Variants in HK1 observed in about 807,000 individuals in gnomAD.
HK1 encodes hexokinase 1.
Under a neutral mutation model 91.6 loss-of-function variants are expected in HK1, and 28 were observed. The observed-to-expected ratio is 0.31, with a 90% CI of 0.23 to 0.42. HK1 has a LOEUF of 0.42. HK1 is among the 10% of genes least tolerant of loss of function. HK1 has a pLI of 1.00. For missense variants in HK1, 770 were observed against 1,219.8 expected (o/e 0.63, Z 5.49); for synonymous variants, 430 against 468.1 (o/e 0.92, Z 1.05).
chr10:69,331,694 G>A (rs1847725045), intron 1 of HK1, among the ~76,000 whole-genome samples: 1 of 151,762 alleles, frequency 6.6e-6, no homozygotes, highest in Non-Finnish European at 1.5e-5. Flanking sequence ...GGGCAATATA[G>A]CGAGACCTCA....
rs1564746767 is a variant in HK1 at position 69,276,114 on chromosome 10, A to ATATAT, written c.-391+6006_-391+6007insTATAT. Among the ~76,000 whole-genome samples the ATATAT allele has an allele frequency of 1.5e-4, 6 of 40,582 alleles. No homozygotes were observed. The South Asian group carries it at 5.5e-3, about 37-fold the overall frequency. The allele number at this position is 40,582 out of a possible 152,430, so 26.6% of individuals were successfully genotyped here. On this transcript the variant is annotated intron_variant, in intron 1 of 21. Transcript: ENST00000360289. Reference sequence around the variant, plus strand: ...TCAAAAAAAAAAAAAAAAAAAAAAAAAAAAATACATATATATATATATATA... The same window carrying ATATAT: ...TCAAAAAAAAAAAAAAAAAAAAAAAATATATAAAAATACATATATATATATATATA...
intron 4 of HK1, among the ~76,000 whole-genome samples, chr10:69,296,622 TAG>T (rs1845576241): frequency 1.3e-5 from 2 of 151,900 alleles, no homozygotes; most frequent in Non-Finnish European, 2.9e-5. Context: ...AAAGGCTGGA[TAG>T]AGGTGATGAG....
chr10:69,284,478 A>T (rs1179998482), intron 2 of HK1, among the ~76,000 whole-genome samples: 3 of 152,166 alleles, frequency 2.0e-5, no homozygotes, highest in Admixed American at 2.0e-4. Flanking sequence ...AAGCAAGGCT[A>T]AAACTATGTA....
At chr10:69,386,081 G>C (rs1839616133) in intron 12 of HK1, among the ~76,000 whole-genome samples, 1 of 147,598 alleles carries the variant, frequency 6.8e-6, no homozygotes, top group Non-Finnish European at 1.5e-5. Context: ...AGTGAACTTA[G>C]ACATTGCTAT....
At chr10:69,394,424 T>C (rs1302107346) in intron 15 of HK1, among the ~76,000 whole-genome samples, 1 of 152,252 alleles carries the variant, frequency 6.6e-6, no homozygotes, top group Non-Finnish European at 1.5e-5. Context: ...ATTTGCTTAT[T>C]CTGCAGATAG....
chr10:69,322,796 C>T (rs546433936), intron 1 of HK1, among the ~76,000 whole-genome samples: 18 of 148,436 alleles, frequency 1.2e-4, no homozygotes, highest in African/African-American at 4.2e-4. Context: ...AGGCTGAGGC[C>T]GGAGAATCAC....
At chr10:69,306,080 G>T (rs1846087708) in intron 5 of HK1, among the ~76,000 whole-genome samples, 2 of 152,072 alleles carry the variant, frequency 1.3e-5, no homozygotes, top group Non-Finnish European at 2.9e-5. Context: ...GGTGGGGCTG[G>T]GCACGGTGGC....
At chr10:69,345,596 G>A (rs1359540738) in intron 2 of HK1, among the ~76,000 whole-genome samples, 1 of 152,092 alleles carries the variant, frequency 6.6e-6, no homozygotes, top group African/African-American at 2.4e-5. Context: ...ACCTGCTTTG[G>A]CTTTGCTTGG....
At chr10:69,365,863 C>T (rs1849671967) in intron 4 of HK1, among the ~76,000 whole-genome samples, 1 of 152,036 alleles carries the variant, frequency 6.6e-6, no homozygotes, top group Non-Finnish European at 1.5e-5. Flanking sequence ...ACAGAGTCTC[C>T]CTCTGTCGCC....
At chr10:69,352,400 G>C (rs922715097) in intron 2 of HK1, among the ~76,000 whole-genome samples, 1 of 152,132 alleles carries the variant, frequency 6.6e-6, no homozygotes, top group Non-Finnish European at 1.5e-5. Context: ...CACAAAGTCG[G>C]GGTCAGAATT....
At chr10:69,357,691 G>A (rs10823352) in intron 2 of HK1, among the ~76,000 whole-genome samples, 64,259 of 151,784 alleles carry the variant, frequency 0.42, 14,057 homozygotes, top group South Asian at 0.54. Flanking sequence ...GAGCTCAAGC[G>A]ATCCACCTGC....
chr10:69,316,108 A>G (rs1026480939), upstream of HK1: 88 of 1,036,740 alleles, frequency 8.5e-5, no homozygotes, highest in Non-Finnish European at 1.3e-4. Context: ...AGGCAGGGCA[A>G]GGAAGGGAAT....
At chr10:69,396,600 T>C (rs1256670026) in intron 16 of HK1, among the ~76,000 whole-genome samples, 1 of 150,684 alleles carries the variant, frequency 6.6e-6, no homozygotes, top group Non-Finnish European at 1.5e-5. Context: ...ACAGCATTTG[T>C]CCTTTGTGAC....
intron 14 of HK1, 87 bp downstream of exon 14, chr10:69,389,383 C>T: frequency 2.6e-6 from 2 of 755,814 alleles, no homozygotes; most frequent in East Asian, 3.8e-5. Flanking sequence ...CAGCTTGGTC[C>T]TCTGTATGGG....
intron 2 of HK1, among the ~76,000 whole-genome samples, chr10:69,285,039 G>T (rs780955948): frequency 1.3e-4 from 20 of 151,876 alleles, no homozygotes; most frequent in Non-Finnish European, 2.6e-4. Flanking sequence ...TGATGGTCTC[G>T]AACTCCTGAC....
At chr10:69,372,515 C>T (rs1314552483) in intron 7 of HK1, among the ~76,000 whole-genome samples, 2 of 152,136 alleles carry the variant, frequency 1.3e-5, no homozygotes, top group East Asian at 1.9e-4. Flanking sequence ...CAGGGAAAGA[C>T]GTTTGCTCCA....
chr10:69,307,258 C>T (rs1340291607), intron 5 of HK1, among the ~76,000 whole-genome samples: 1 of 152,052 alleles, frequency 6.6e-6, no homozygotes, highest in African/African-American at 2.4e-5. Flanking sequence ...TGGAATCAAC[C>T]CAAGCCAGAA....
intron 16 of HK1, among the ~76,000 whole-genome samples, chr10:69,396,259 A>G (rs1840129631): frequency 6.8e-6 from 1 of 147,996 alleles, no homozygotes; most frequent in African/African-American, 2.5e-5. Context: ...CGACAGAGAC[A>G]GACTCTGTCT....
In HK1 at chr10:69,398,738, C is replaced by A; in HGVS notation, c.2519C>A (p.Ala840Glu). Residue 840 changes from alanine to glutamate, a missense_variant, in exon 17 of 18, where the codon GCG becomes GAG. Ala to Glu is a moderately radical substitution (Grantham distance 107). This residue lies in a region of HK1 where 78 missense variants were observed against 99.0 expected (regional missense o/e 0.79). Coordinates refer to ENST00000359426, the MANE Select transcript of HK1 (RefSeq NM_000188.3). ...CAGCTGTGTGGCGCAGGCATGGCTG[C>A]GGTTGTGGATAAGATCCGCGAGAAC... ...AAQLCGAGMA[A>E]VVDKIRENRG... 7.4e-6 allele frequency: 12 copies of A among 1,614,168 alleles called. No individual in the cohort carries two copies. Among genetic ancestry groups the A allele is most frequent in the Non-Finnish European group, 1.0e-5 (12 of 1,180,030 alleles).
Sources: gnomAD v4.1 joint callset for allele counts (sites outside exome capture counted in the v4.1 genomes callset) on GRCh38, gnomAD v4.1.1 for gene constraint, gnomAD v4.1.1 regional missense constraint, MANE v1.5 for transcripts, NCBI Gene and HGNC (gene_info 2026-07-23, HGNC 2026-07-21) for gene names.